The following ING3 variants were observed in gnomAD, a reference collection of about 807,000 sequenced individuals.
ING3 encodes inhibitor of growth protein 3.
A neutral mutation model predicts 64.8 loss-of-function variants in ING3; 6 were observed. The ratio of observed to expected loss-of-function variants is 0.09; its 90% CI spans 0.05 to 0.18. The LOEUF (loss-of-function observed/expected upper bound fraction) is 0.18, where lower values mean the gene tolerates loss of function less well. ING3 is among the 10% of genes least tolerant of loss of function. The probability of loss-of-function intolerance (pLI) is 1.00; values close to 1 mark genes in which losing one functional copy is unlikely to be tolerated. For missense variants in ING3, 310 were observed against 489.7 expected (o/e 0.63, Z 3.46); for synonymous variants, 170 against 173.7 (o/e 0.98, Z 0.17).
Position 120,967,958 on chromosome 7 carries a change from C to T in ING3, c.581C>T (p.Ala194Val), listed in dbSNP as rs772819242. ...TLGCRNNNST[A>V]SSNNAYNVNS... ...GGTTGTCGAAATAATAATTCCACAG[C>T]CTCTTCTAACAATGCCTACAATGTG... Residue 194 changes from alanine to valine, a missense_variant, in exon 8 of 12, where the codon GCC (alanine) becomes GTC (valine). By Grantham distance (64) the Ala-to-Val change is moderately conservative (BLOSUM62 0). This residue lies in a region of ING3 where 233 missense variants were observed against 289.4 expected (regional missense o/e 0.81). Coordinates refer to ENST00000315870, the MANE Select transcript of ING3 (RefSeq NM_019071.3). 1 of 1,613,988 alleles carries T rather than the reference C, an allele frequency of 6.2e-7. No homozygotes were observed. Among genetic ancestry groups the T allele is most frequent in the Non-Finnish European group, 8.5e-7 (1 of 1,179,964 alleles).
chr7:120,974,430 T>C (rs1245646502), intron 11 of ING3, among the ~76,000 whole-genome samples: 1 of 152,174 alleles, frequency 6.6e-6, no homozygotes, highest in Non-Finnish European at 1.5e-5. Flanking sequence ...ATCCCACTTC[T>C]TTTTGCCCTT....
At chr7:120,966,030 C>T (rs1209932145) in intron 5 of ING3, among the ~76,000 whole-genome samples, 2 of 152,052 alleles carry the variant, frequency 1.3e-5, no homozygotes, top group East Asian at 1.9e-4. Context: ...ACTGCTCCAC[C>T]CTGTGCCCTG....
intron 4 of ING3, among the ~76,000 whole-genome samples, chr7:120,960,674 A>G (rs1244281036): frequency 6.6e-6 from 1 of 152,180 alleles, no homozygotes; most frequent in Non-Finnish European, 1.5e-5. Flanking sequence ...ACATATTATC[A>G]ACATATTATC....
At position 120,970,996 on chromosome 7, in the gene ING3, A is replaced by G. The variant is rs1426698791; in HGVS notation, c.1101+116A>G. ...TAAAATACCTTTGCTTTATTTGTAT[A>G]CTTTTCTCCCCCTTCTTACAAAAGT... is the stretch of plus-strand genomic sequence containing the variant. On this transcript the variant is annotated intron_variant, in intron 10 of 11. Transcript: ENST00000315870. The G allele has an allele frequency of 4.6e-6, 5 of 1,081,948 alleles. 1 individual carries two copies. The highest frequency in any genetic ancestry group is 3.2e-5 in the African/African-American group (2 of 63,000). 67.0% of individuals were successfully genotyped at this position (1,081,948 alleles called of 1,614,324 possible).
intron 9 of ING3, among the ~76,000 whole-genome samples, chr7:120,970,479 A>AAAT (rs1554415568): frequency 1.3e-4 from 19 of 151,980 alleles, no homozygotes; most frequent in African/African-American, 4.3e-4. Context: ...AAAAAAAAAA[A>AAAT]ATACAAATAA....
chr7:120,958,742 C>T (rs950672432), intron 4 of ING3, among the ~76,000 whole-genome samples: 1 of 152,150 alleles, frequency 6.6e-6, no homozygotes. Context: ...GCTTCTATAC[C>T]ACAGCATTTA....
At chr7:120,966,181 A>G (rs1441037180) in intron 5 of ING3, among the ~76,000 whole-genome samples, 2 of 152,180 alleles carry the variant, frequency 1.3e-5, no homozygotes, top group East Asian at 3.8e-4. Context: ...TTATTATCAT[A>G]ATGTCATTTT....
chr7:120,975,290 A>AG lies in ING3; in HGVS notation c.*447dup, dbSNP rs61553827. 1 of 151,980 alleles carries AG rather than the reference A, an allele frequency of 6.6e-6. No homozygotes were observed. Among genetic ancestry groups the AG allele is most frequent in the Non-Finnish European group, 1.5e-5 (1 of 67,978 alleles). The allele number at this position is 151,980 out of a possible 1,614,324, so 9.4% of individuals were successfully genotyped here. ...ATAAATGGTTGCAAAAAAAAAAAAA[A>AG]GTCAGTGCTTCTAAAAAGAATTTAA... On this transcript the variant is annotated 3_prime_UTR_variant, in exon 12 of 12. Coordinates refer to ENST00000315870, the MANE Select transcript of ING3 (RefSeq NM_019071.3).
chr7:120,951,903 CTT>C (rs1188144555), intron 2 of ING3, among the ~76,000 whole-genome samples: 1 of 152,200 alleles, frequency 6.6e-6, no homozygotes, highest in Non-Finnish European at 1.5e-5. Context: ...CCCAAATTAA[CTT>C]TGCTCTTTCA....
rs1039219046 is a variant in ING3 at position 120,951,380 on chromosome 7, C to T, written c.100+145C>T. ...AGGAGTTGTCAAAAAGAACTGGCAGCCCTGAATCTCGCCTTCCCCTTCCCT... is the reference window on the plus strand; with the variant it reads ...AGGAGTTGTCAAAAAGAACTGGCAGTCCTGAATCTCGCCTTCCCCTTCCCT... On this transcript the variant is annotated intron_variant, in intron 2 of 11. Coordinates refer to ENST00000315870, the MANE Select transcript of ING3 (RefSeq NM_019071.3). 1.4e-5 allele frequency: 10 copies of T among 731,234 alleles called. No individual in the cohort carries two copies. In the Admixed American group the frequency reaches 2.1e-4, roughly 15 times the overall value. The allele number at this position is 731,234 out of a possible 1,614,324, so 45.3% of individuals were successfully genotyped here.
intron 4 of ING3, 49 bp from the exon 5 acceptor site, chr7:120,964,693 T>G (rs1026995708): frequency 2.7e-6 from 4 of 1,474,532 alleles, no homozygotes; most frequent in East Asian, 2.3e-5. Context: ...GCTGACACTT[T>G]AACAGTGTCC....
intron 1 of ING3, 99 bp downstream of exon 1, chr7:120,951,023 GGGGATGTTTCTTT>G: frequency 2.0e-6 from 3 of 1,500,730 alleles, no homozygotes; most frequent in Non-Finnish European, 2.8e-6. Flanking sequence ...GGGGGCGGCG[GGGGATGTTTCTTT>G]CTCACGGTAA....
At chr7:120,965,579 AATTT>A (rs1293254039) in intron 5 of ING3, among the ~76,000 whole-genome samples, 2 of 152,214 alleles carry the variant, frequency 1.3e-5, no homozygotes, top group African/African-American at 4.8e-5. Flanking sequence ...TTTCTACTAG[AATTT>A]AATTAAAACT....
At chr7:120,966,785 A>T in intron 6 of ING3, 88 bp downstream of exon 6, 1 of 923,942 alleles carries the variant, frequency 1.1e-6, no homozygotes, top group Non-Finnish European at 1.8e-6. Context: ...ACTCTACACA[A>T]CCAATTGAGA....
At chr7:120,967,794 A>T in intron 7 of ING3, 140 bp from the exon 8 acceptor site, 1 of 1,240,020 alleles carries the variant, frequency 8.1e-7, no homozygotes, top group Non-Finnish European at 1.1e-6. Flanking sequence ...AAAACCAAAT[A>T]CATTATTCAG....
rs1796034375 is a variant in ING3 at position 120,969,072 on chromosome 7, A to G, written c.776A>G (p.Asp259Gly). 1 of 1,613,844 alleles carries G rather than the reference A, an allele frequency of 6.2e-7. No homozygotes were observed. Among genetic ancestry groups the G allele is most frequent in the African/African-American group, 1.3e-5 (1 of 74,908 alleles). Reference sequence around the variant, plus strand: ...AGTTATGAAGCATTTAAGAATAATGACTTTCAGTTGGGAAAAGAATTTTCA... The same window carrying G: ...AGTTATGAAGCATTTAAGAATAATGGCTTTCAGTTGGGAAAAGAATTTTCA... ...KASYEAFKNN[D>G]FQLGKEFSMA... Residue 259 changes from aspartate (D) to glycine (G), a missense_variant, in exon 9 of 12, where the codon GAC becomes GGC. This residue lies in a region of ING3 where 233 missense variants were observed against 289.4 expected (regional missense o/e 0.81). Transcript: ENST00000315870.
intron 2 of ING3, among the ~76,000 whole-genome samples, chr7:120,952,646 G>T (rs1226044316): frequency 6.6e-6 from 1 of 151,964 alleles, no homozygotes; most frequent in Non-Finnish European, 1.5e-5. Flanking sequence ...TTAACCATAG[G>T]ACTTCATAGA....
At chr7:120,960,593 G>A (rs1795918082) in intron 4 of ING3, among the ~76,000 whole-genome samples, 2 of 152,044 alleles carry the variant, frequency 1.3e-5, no homozygotes, top group Admixed American at 6.6e-5. Flanking sequence ...TTTTAAACCA[G>A]TAGTAAACAT....
intron 4 of ING3, among the ~76,000 whole-genome samples, chr7:120,961,156 A>T (rs1211464317): frequency 2.0e-5 from 3 of 152,190 alleles, no homozygotes; most frequent in Admixed American, 6.5e-5. Context: ...CAGGAAGATG[A>T]TTAGACAGAG....
Sources: allele counts gnomAD v4.1 joint callset (sites outside exome capture counted in the v4.1 genomes callset), GRCh38; gene constraint gnomAD v4.1.1; regional missense constraint gnomAD v4.1.1; transcripts MANE v1.5; gene names NCBI Gene and HGNC (gene_info 2026-07-23, HGNC 2026-07-21).